NDUFA12: variants seen among roughly 807,000 people sequenced by gnomAD.
NDUFA12 encodes the protein NADH dehydrogenase [ubiquinone] 1 alpha subcomplex subunit 12.
NDUFA12 carries 17 observed loss-of-function variants against 20.3 expected under a neutral mutation model. That is an observed-to-expected ratio of 0.84 (90% CI 0.57 to 1.26). NDUFA12 has a LOEUF of 1.26. Among genes scored for constraint, NDUFA12 ranks in the 50% most tolerant of loss-of-function variants. The pLI is 0.00. For missense variants in NDUFA12, 191 were observed against 183.7 expected (o/e 1.04, Z -0.23); for synonymous variants, 72 against 63.6 (o/e 1.13, Z -0.63).
intron 3 of NDUFA12, among the ~76,000 whole-genome samples, chr12:94,989,850 T>TC (rs1414958081): frequency 1.3e-5 from 2 of 152,154 alleles, no homozygotes; most frequent in African/African-American, 4.8e-5. Flanking sequence ...ACCCCTCATC[T>TC]CCCAAAATGT....
rs142007365 is a variant in NDUFA12 at position 94,975,828 on chromosome 12, C to G, written c.258-4208G>C. Reference sequence around the variant, plus strand: ...CTTCTGGAGGCCAAGGTGGGAGGATCGCTTGAGGCCATGAGTTCGAGACCA... The same window carrying G: ...CTTCTGGAGGCCAAGGTGGGAGGATGGCTTGAGGCCATGAGTTCGAGACCA... On this transcript the variant is annotated intron_variant, in intron 3 of 3. Transcript: ENST00000327772. 8.1e-3 allele frequency among the ~76,000 whole-genome samples: 1,239 copies of G among 152,124 alleles called. 7 individuals carry two copies. Among genetic ancestry groups the G allele is most frequent in the Middle Eastern group, 0.02 (6 of 294 alleles).
intron 3 of NDUFA12, among the ~76,000 whole-genome samples, chr12:94,972,907 T>C (rs1340989455): frequency 1.5e-4 from 22 of 151,116 alleles, no homozygotes; most frequent in Non-Finnish European, 2.9e-4. Context: ...GGGGTTTACA[T>C]GGGAAAGAAG....
chr12:94,994,108 A>C, intron 3 of NDUFA12, 62 bp downstream of exon 3: 1 of 1,407,310 alleles, frequency 7.1e-7, no homozygotes, highest in Admixed American at 1.7e-5. Context: ...TGGGTGACAG[A>C]GTGAGACCCT....
intron 3 of NDUFA12, among the ~76,000 whole-genome samples, chr12:94,992,374 A>G (rs929873546): frequency 6.6e-6 from 1 of 152,246 alleles, no homozygotes; most frequent in South Asian, 2.1e-4. Flanking sequence ...GAACTTGCTT[A>G]AAGTCAAACT....
chr12:94,972,770 G>A (rs1462976720), intron 3 of NDUFA12, among the ~76,000 whole-genome samples: 1 of 152,166 alleles, frequency 6.6e-6, no homozygotes, highest in Non-Finnish European at 1.5e-5. Flanking sequence ...AAGAGGATAT[G>A]TTCCAGAAAT....
At chr12:94,984,151 G>A (rs962279962) in intron 3 of NDUFA12, among the ~76,000 whole-genome samples, 1 of 152,130 alleles carries the variant, frequency 6.6e-6, no homozygotes, top group Non-Finnish European at 1.5e-5. Context: ...TGGAAAGGGA[G>A]AAAACTGGAG....
At chr12:94,989,925 G>A (rs574220411) in intron 3 of NDUFA12, among the ~76,000 whole-genome samples, 2 of 152,214 alleles carry the variant, frequency 1.3e-5, no homozygotes, top group South Asian at 2.1e-4. Context: ...GAATAAGACA[G>A]CTCACATGCC....
intron 3 of NDUFA12, among the ~76,000 whole-genome samples, chr12:94,990,530 C>T (rs1260832268): frequency 6.6e-6 from 1 of 152,154 alleles, no homozygotes; most frequent in African/African-American, 2.4e-5. Flanking sequence ...TGAAGGGATC[C>T]TCCCACCTCA....
At chr12:94,997,114 G>A (rs1366385592) in intron 2 of NDUFA12, 4 of 256,738 alleles carry the variant, frequency 1.6e-5, no homozygotes, top group Non-Finnish European at 3.0e-5. Flanking sequence ...GCTAAGGCGG[G>A]AGGATTGCTT....
intron 3 of NDUFA12, among the ~76,000 whole-genome samples, chr12:94,987,654 C>T (rs530219731): frequency 2.2e-4 from 34 of 151,796 alleles, no homozygotes; most frequent in African/African-American, 7.0e-4. Flanking sequence ...TACAAAAATT[C>T]GCCAGGTGTA....
intron 3 of NDUFA12, among the ~76,000 whole-genome samples, chr12:94,977,473 A>C (rs1285036610): frequency 6.7e-6 from 1 of 150,070 alleles, no homozygotes; most frequent in African/African-American, 2.4e-5. Flanking sequence ...CTTGTGTCAA[A>C]AAAAAAAAAC....
intron 3 of NDUFA12, among the ~76,000 whole-genome samples, chr12:94,984,468 G>C (rs932523234): frequency 1.3e-5 from 2 of 151,846 alleles, no homozygotes; most frequent in African/African-American, 4.8e-5. Flanking sequence ...GGCGGAGGTT[G>C]CGGTTGAGCT....
At chr12:94,997,229 A>G (rs1874864747) in intron 2 of NDUFA12, 1 of 153,962 alleles carries the variant, frequency 6.5e-6, no homozygotes, top group Admixed American at 6.5e-5. Context: ...AGTACATAAG[A>G]TGTTTACTTC....
At chr12:94,997,939 C>A (rs1281600402) in intron 2 of NDUFA12, among the ~76,000 whole-genome samples, 1 of 152,152 alleles carries the variant, frequency 6.6e-6, no homozygotes, top group Non-Finnish European at 1.5e-5. Flanking sequence ...TGTCTGGAGA[C>A]ATTTTTGGTT....
chr12:94,977,573 A>G (rs564507594), intron 3 of NDUFA12, among the ~76,000 whole-genome samples: 6 of 152,304 alleles, frequency 3.9e-5, no homozygotes, highest in African/African-American at 1.4e-4. Context: ...TGAAATTGCA[A>G]TGTAATTCAG....
At chr12:94,976,089 A>G (rs1353987270) in intron 3 of NDUFA12, among the ~76,000 whole-genome samples, 2 of 152,150 alleles carry the variant, frequency 1.3e-5, no homozygotes, top group Admixed American at 6.6e-5. Flanking sequence ...TGTTCACCAT[A>G]TATGTTTTAA....
At chr12:94,979,257 A>G (rs185118101) in intron 3 of NDUFA12, among the ~76,000 whole-genome samples, 2 of 152,238 alleles carry the variant, frequency 1.3e-5, no homozygotes, top group South Asian at 2.1e-4. Flanking sequence ...ACACCCCCAA[A>G]ACATTCTTTC....
intron 2 of NDUFA12, chr12:94,996,873 C>A (rs1874851284): frequency 2.9e-5 from 8 of 278,538 alleles, no homozygotes; most frequent in South Asian, 2.0e-4. Flanking sequence ...TAGTTTGTAA[C>A]AATACAGTGA....
chr12:94,982,162 TC>T (rs1295775555), intron 3 of NDUFA12, among the ~76,000 whole-genome samples: 1 of 152,204 alleles, frequency 6.6e-6, no homozygotes, highest in Non-Finnish European at 1.5e-5. Context: ...AGGACAGGAA[TC>T]ACAGCTTGCC....
Sources: gnomAD v4.1 joint callset for allele counts (sites outside exome capture counted in the v4.1 genomes callset) on GRCh38, gnomAD v4.1.1 for gene constraint, MANE v1.5 for transcripts, NCBI Gene and HGNC (gene_info 2026-07-23, HGNC 2026-07-21) for gene names.